The following ETFDH variants were observed in gnomAD, a reference collection of about 807,000 sequenced individuals.
ETFDH encodes the protein electron transfer flavoprotein dehydrogenase.
A neutral mutation model predicts 73.2 loss-of-function variants in ETFDH; 61 were observed. The ratio of observed to expected loss-of-function variants is 0.83; its 90% CI spans 0.68 to 1.03. The LOEUF (loss-of-function observed/expected upper bound fraction) is 1.03. Among genes scored for constraint, ETFDH ranks in the 50% least tolerant of loss-of-function variants. The probability of loss-of-function intolerance (pLI) is 0.00; values close to 1 mark genes in which losing one functional copy is unlikely to be tolerated. For missense variants in ETFDH, 685 were observed against 745.0 expected (o/e 0.92, Z 0.94); for synonymous variants, 243 against 253.3 (o/e 0.96, Z 0.39).
At chr4:158,708,317 ATTTTTT>A in intron 12 of ETFDH, 41 bp from the exon 13 acceptor site, 3 of 1,464,258 alleles carry the variant, frequency 2.0e-6, no homozygotes, top group Non-Finnish European at 1.9e-6. Flanking sequence ...GAATTTAAAA[ATTTTTT>A]AAAGTTAGGC....
intron 9 of ETFDH, 40 bp from the exon 10 acceptor site, chr4:158,703,383 T>A (rs2126309074): frequency 7.0e-7 from 1 of 1,424,260 alleles, no homozygotes; most frequent in East Asian, 2.3e-5. Flanking sequence ...TCTTGTTTAA[T>A]ATGAACTAAC....
intron 1 of ETFDH, among the ~76,000 whole-genome samples, chr4:158,673,261 C>T (rs1164342160): frequency 6.6e-6 from 1 of 152,178 alleles, no homozygotes; most frequent in Non-Finnish European, 1.5e-5. Flanking sequence ...TGAGATCGCA[C>T]CACTGCACTC....
chr4:158,705,709 G>A (rs1774591509), intron 10 of ETFDH, among the ~76,000 whole-genome samples: 1 of 152,152 alleles, frequency 6.6e-6, no homozygotes, highest in Admixed American at 6.6e-5. Flanking sequence ...TATATCTAAT[G>A]GTTGTCTTTT....
chr4:158,700,576 A>ACACACACACACACG (rs1774435897), intron 9 of ETFDH: 2 of 64,174 alleles, frequency 3.1e-5, no homozygotes, highest in African/African-American at 7.9e-5. Context: ...ACACACGCAC[A>ACACACACACACACG]CACACACACA....
At chr4:158,690,321 AAT>A in intron 5 of ETFDH, 25 bp from the exon 6 acceptor site, 1 of 1,228,260 alleles carries the variant, frequency 8.1e-7, no homozygotes, top group Non-Finnish European at 1.2e-6. Context: ...CTAAGGTATT[AAT>A]AAATTTGTTT....
Position 158,695,555 on chromosome 4 carries a change from G to T in ETFDH, c.743G>T (p.Cys248Phe). ...AAAGTCACAATTTTTGCAGAAGGTT[G>T]CCATGGACATCTAGCCAAGCAACTA... Reference protein sequence around the residue: ...HAKVTIFAEGCHGHLAKQLYK... With the variant: ...HAKVTIFAEGFHGHLAKQLYK... Residue 248 changes from cysteine (C) to phenylalanine (F), a missense_variant, in exon 7 of 13, where the codon TGC (cysteine) becomes TTC (phenylalanine). Coordinates refer to ENST00000511912, the MANE Select transcript of ETFDH (RefSeq NM_004453.4). 4 of 1,612,678 alleles carry T rather than the reference G, an allele frequency of 2.5e-6. No homozygotes were observed. The highest frequency in any genetic ancestry group is 3.4e-6 in the Non-Finnish European group (4 of 1,178,798).
At chr4:158,685,489 A>C (rs757215227) in intron 5 of ETFDH, among the ~76,000 whole-genome samples, 1 of 152,222 alleles carries the variant, frequency 6.6e-6, no homozygotes, top group African/African-American at 2.4e-5. Flanking sequence ...TATTTTGAAC[A>C]GAACTTACCT....
intron 1 of ETFDH, chr4:158,679,283 A>G (rs1223876174): frequency 6.6e-6 from 1 of 151,934 alleles, no homozygotes; most frequent in Non-Finnish European, 1.5e-5. Flanking sequence ...TCTTTTTTTA[A>G]TGATAGGGAC....
At chr4:158,683,309 G>A (rs144939385) in intron 3 of ETFDH, among the ~76,000 whole-genome samples, 1 of 152,198 alleles carries the variant, frequency 6.6e-6, no homozygotes, top group East Asian at 1.9e-4. Flanking sequence ...CTACCTCCTA[G>A]ATTAGATTAT....
At chr4:158,708,096 G>A (rs1774683417) in intron 12 of ETFDH, among the ~76,000 whole-genome samples, 1 of 152,174 alleles carries the variant, frequency 6.6e-6, no homozygotes, top group East Asian at 1.9e-4. Flanking sequence ...GGAGGACTTC[G>A]AGGTTGTGTG....
At chr4:158,675,292 TA>T (rs1328752470) in intron 1 of ETFDH, among the ~76,000 whole-genome samples, 6 of 152,246 alleles carry the variant, frequency 3.9e-5, no homozygotes, top group Non-Finnish European at 8.8e-5. Flanking sequence ...AAGCATATAC[TA>T]TGTTGTCTTT....
Position 158,672,441 on chromosome 4 carries a change from C to T in ETFDH, c.-16C>T. 6.2e-7 allele frequency: 1 copy of T among 1,614,090 alleles called. No homozygotes were observed. ...CCTCCTGTTGTGTCCGACCGAGAGT[C>T]CTGGTGACTTTGAACATGCTGGTGC... On this transcript the variant is annotated 5_prime_UTR_variant, in exon 1 of 13. Coordinates refer to ENST00000511912, the MANE Select transcript of ETFDH (RefSeq NM_004453.4).
At chr4:158,698,924 C>T (rs764519209) in intron 8 of ETFDH, 63 bp from the exon 9 acceptor site, 147 of 1,209,632 alleles carry the variant, frequency 1.2e-4, no homozygotes, top group Non-Finnish European at 1.7e-4. Context: ...ACATTGCTTA[C>T]ATTTTAGCTT....
intron 7 of ETFDH, 22 bp downstream of exon 7, chr4:158,695,665 A>T (rs753913888): frequency 3.6e-5 from 57 of 1,562,338 alleles, no homozygotes; most frequent in Non-Finnish European, 4.8e-5. Flanking sequence ...TGTTTCTGTA[A>T]TTTTAATTTT....
At chr4:158,674,773 T>C (rs748499146) in intron 1 of ETFDH, among the ~76,000 whole-genome samples, 3 of 152,248 alleles carry the variant, frequency 2.0e-5, no homozygotes, top group Non-Finnish European at 4.4e-5. Context: ...CAAATATGTA[T>C]ACCTAACATT....
Position 158,708,452 on chromosome 4 carries a change from T to G in ETFDH, c.1779T>G (p.Asp593Glu). 1 of 1,611,708 alleles carries G rather than the reference T, an allele frequency of 6.2e-7. No individual in the cohort carries two copies. Among genetic ancestry groups the G allele is most frequent in the Non-Finnish European group, 8.5e-7 (1 of 1,177,776 alleles). Residue 593 changes from aspartate (D) to glutamate (E), a missense_variant, in exon 13 of 13, where the codon GAT becomes GAG. Asp to Glu is a conservative substitution (Grantham distance 45). Coordinates refer to ENST00000511912, the MANE Select transcript of ETFDH (RefSeq NM_004453.4). ...AQNCVHCKTC[D>E]IKDPSQNINW... ...ACTGTGTACATTGTAAAACATGTGA[T>G]ATTAAAGATCCAAGTCAGAATATTA...
chr4:158,691,466 A>C (rs1223074466), intron 6 of ETFDH, among the ~76,000 whole-genome samples: 1 of 152,226 alleles, frequency 6.6e-6, no homozygotes, highest in Non-Finnish European at 1.5e-5. Flanking sequence ...CTGGGATTAC[A>C]GGCGTGCGCC....
rs777567383 is a variant in ETFDH at position 158,697,694 on chromosome 4, C to T, written c.967C>T (p.Leu323Phe). Residue 323 changes from leucine (L) to phenylalanine (F), a missense_variant, in exon 8 of 13, where the codon CTT (leucine) becomes TTT (phenylalanine). This residue lies in a region of ETFDH where 405 missense variants were observed against 399.3 expected (regional missense o/e 1.01). Coordinates refer to ENST00000511912, the MANE Select transcript of ETFDH (RefSeq NM_004453.4). The part of the protein sequence containing the change: ...NEGEPLVALG[L>F]VVGLDYQNPY... ...AGGTGAACCCCTAGTAGCTCTTGGT[C>T]TTGTGGTAAGTTATATTCCCATTAG... 7 of 1,613,412 alleles carry T rather than the reference C, an allele frequency of 4.3e-6. No homozygotes were observed. The South Asian group carries it at 6.6e-5, about 15-fold the overall frequency.
chr4:158,696,869 A>G (rs762326787), intron 7 of ETFDH, among the ~76,000 whole-genome samples: 5 of 152,196 alleles, frequency 3.3e-5, no homozygotes, highest in Non-Finnish European at 7.3e-5. Flanking sequence ...TGTCACCCAG[A>G]TGAAGATAGA....
Sources: gnomAD v4.1 joint callset for allele counts (sites outside exome capture counted in the v4.1 genomes callset) on GRCh38, gnomAD v4.1.1 for gene constraint, gnomAD v4.1.1 regional missense constraint, MANE v1.5 for transcripts, NCBI Gene and HGNC (gene_info 2026-07-23, HGNC 2026-07-21) for gene names.